The following TRHR variants were observed in gnomAD, a reference collection of about 807,000 sequenced individuals.
TRHR encodes the protein thyrotropin releasing hormone receptor, also known as thyrotropin-releasing hormone receptor.
A neutral mutation model predicts 28.0 loss-of-function variants in TRHR; 14 were observed. The ratio of observed to expected loss-of-function variants is 0.50; its 90% CI spans 0.33 to 0.78. The LOEUF is 0.78. Ranked by LOEUF, TRHR falls within the 30% of genes least tolerant of loss-of-function variation. TRHR has a pLI of 0.02. For synonymous variants in TRHR, 176 were observed against 171.9 expected (o/e 1.02, Z -0.18); for missense variants, 438 against 469.5 (o/e 0.93, Z 0.62).
chr8:109,104,156 T>A (rs576105817), intron 2 of TRHR, among the ~76,000 whole-genome samples: 1 of 152,194 alleles, frequency 6.6e-6, no homozygotes, highest in East Asian at 1.9e-4. Flanking sequence ...CAGTGGAAAA[T>A]TATTACAGTC....
intron 2 of TRHR, among the ~76,000 whole-genome samples, chr8:109,110,449 T>C (rs3925087): frequency 0.4 from 60,486 of 151,816 alleles, 12,305 homozygotes; most frequent in Admixed American, 0.5. Flanking sequence ...TCTATTTCCT[T>C]AAGCCTTATC....
intron 2 of TRHR, among the ~76,000 whole-genome samples, chr8:109,115,692 T>G (rs1430022242): frequency 3.9e-5 from 6 of 152,196 alleles, no homozygotes; most frequent in Non-Finnish European, 8.8e-5. Flanking sequence ...CTTATCAGCT[T>G]CAGGAGATTT....
chr8:109,102,155 C>T (rs1324443936), intron 2 of TRHR, among the ~76,000 whole-genome samples: 1 of 152,128 alleles, frequency 6.6e-6, no homozygotes, highest in Non-Finnish European at 1.5e-5. Flanking sequence ...TAAGAATATA[C>T]TGCTGTCTTT....
intron 2 of TRHR, among the ~76,000 whole-genome samples, chr8:109,118,188 C>T (rs1811947530): frequency 6.6e-6 from 1 of 151,960 alleles, no homozygotes; most frequent in Non-Finnish European, 1.5e-5. Context: ...AAGTACTTAA[C>T]AGCCTCTGTA....
chr8:109,112,479 T>C (rs1186989772), intron 2 of TRHR, among the ~76,000 whole-genome samples: 1 of 152,220 alleles, frequency 6.6e-6, no homozygotes, highest in Non-Finnish European at 1.5e-5. Flanking sequence ...AGTTTTCATT[T>C]TTAAAATTTG....
intron 2 of TRHR, among the ~76,000 whole-genome samples, chr8:109,115,504 T>A (rs1414882224): frequency 1.3e-5 from 2 of 152,164 alleles, no homozygotes; most frequent in Non-Finnish European, 2.9e-5. Flanking sequence ...GGTTTGTAGT[T>A]CTCCTTGAAG....
At chr8:109,091,258 T>C (rs1811513880) in intron 2 of TRHR, among the ~76,000 whole-genome samples, 1 of 152,102 alleles carries the variant, frequency 6.6e-6, no homozygotes, top group African/African-American at 2.4e-5. Context: ...GATGTGAACA[T>C]ATTAGACATA....
At position 109,115,489 on chromosome 8, in the gene TRHR, G is replaced by A. The variant is rs557289805; in HGVS notation, c.790-3559G>A. Among the ~76,000 whole-genome samples the A allele has an allele frequency of 3.1e-3, 475 of 152,230 alleles. 3 individuals are homozygous for A. Among genetic ancestry groups the A allele is most frequent in the African/African-American group, 0.011 (440 of 41,548 alleles). On this transcript the variant is annotated intron_variant, in intron 2 of 2. Transcript: ENST00000518632. ...TTTGTATCCTCTTTTATTTCATTGA[G>A]CAGTGGTTTGTAGTTCTCCTTGAAG...
intron 2 of TRHR, among the ~76,000 whole-genome samples, chr8:109,117,064 A>C (rs560828809): frequency 1.3e-5 from 2 of 152,150 alleles, no homozygotes; most frequent in East Asian, 3.9e-4. Flanking sequence ...TTTACCTGAC[A>C]GTTGTAGGGA....
intron 2 of TRHR, among the ~76,000 whole-genome samples, chr8:109,095,811 G>A (rs577295287): frequency 2.0e-5 from 3 of 152,094 alleles, no homozygotes; most frequent in South Asian, 4.2e-4. Flanking sequence ...CCTTCTAAGT[G>A]CCTTTTTCTC....
intron 2 of TRHR, among the ~76,000 whole-genome samples, chr8:109,101,152 A>G (rs1162807465): frequency 6.6e-6 from 1 of 152,192 alleles, no homozygotes; most frequent in Non-Finnish European, 1.5e-5. Context: ...ATTGGACCAA[A>G]GTCAAAGCCA....
chr8:109,108,140 G>A (rs1378557286), intron 2 of TRHR, among the ~76,000 whole-genome samples: 1 of 152,090 alleles, frequency 6.6e-6, no homozygotes, highest in East Asian at 1.9e-4. Flanking sequence ...TGCCTCCCAG[G>A]TGCTCCCAGC....
chr8:109,120,599 TAC>T lies in TRHR; in HGVS notation c.*1146_*1147del, dbSNP rs1400637270. ...TCTCAAATGCTAGTGATATTTTGTTTACAGATTCTAAAAGCAATGCAAAATTC... is the reference window on the plus strand; with the variant it reads ...TCTCAAATGCTAGTGATATTTTGTTTAGATTCTAAAAGCAATGCAAAATTC... On this transcript the variant is annotated 3_prime_UTR_variant, in exon 3 of 3. Coordinates refer to ENST00000518632, the MANE Select transcript of TRHR (RefSeq NM_003301.7). 1.3e-5 allele frequency among the ~76,000 whole-genome samples: 2 copies of T among 151,866 alleles called. No individual in the cohort carries two copies. Among genetic ancestry groups the T allele is most frequent in the African/African-American group, 4.8e-5 (2 of 41,418 alleles).
chr8:109,099,014 C>A (rs1811637897), intron 2 of TRHR, among the ~76,000 whole-genome samples: 1 of 152,040 alleles, frequency 6.6e-6, no homozygotes, highest in East Asian at 1.9e-4. Flanking sequence ...TAGGGACATA[C>A]TGATAAATTA....
intron 2 of TRHR, among the ~76,000 whole-genome samples, chr8:109,112,790 G>A (rs1320591007): frequency 6.6e-6 from 1 of 152,174 alleles, no homozygotes; most frequent in Admixed American, 6.6e-5. Flanking sequence ...GAAAACCTTG[G>A]TTGGGTAGCT....
rs773072164 is a variant in TRHR at position 109,119,363 on chromosome 8, G to A, written c.1105G>A (p.Asp369Asn). ...AGACCATTTCAGCACAGAGCTTGAT[G>A]ATATCACTGTCACTGACACTTACCT... ...ESDHFSTELD[D>N]ITVTDTYLSA... is the part of the protein sequence containing the mutation. Residue 369 changes from aspartate (D) to asparagine (N), a missense_variant, in exon 3 of 3, where the codon GAT becomes AAT. Transcript: ENST00000518632. The A allele has an allele frequency of 6.8e-6, 11 of 1,612,370 alleles. No individual in the cohort carries two copies. The highest frequency in any genetic ancestry group is 9.3e-6 in the Non-Finnish European group (11 of 1,179,034).
chr8:109,111,123 G>T (rs1358799407), intron 2 of TRHR, among the ~76,000 whole-genome samples: 1 of 152,126 alleles, frequency 6.6e-6, no homozygotes, highest in African/African-American at 2.4e-5. Context: ...CTGCACTCCA[G>T]CCTGGGCGAC....
intron 2 of TRHR, among the ~76,000 whole-genome samples, chr8:109,102,766 T>TA (rs1254387554): frequency 2.0e-5 from 3 of 152,108 alleles, no homozygotes; most frequent in African/African-American, 7.2e-5. Flanking sequence ...TTCATTTTTT[T>TA]AAAAATAAAT....
intron 2 of TRHR, among the ~76,000 whole-genome samples, chr8:109,089,501 A>G (rs1478903511): frequency 6.6e-6 from 1 of 152,196 alleles, no homozygotes; most frequent in Non-Finnish European, 1.5e-5. Context: ...GCATGAAATG[A>G]ATAATGAGCC....
Sources: gnomAD v4.1 joint callset for allele counts (sites outside exome capture counted in the v4.1 genomes callset) on GRCh38, gnomAD v4.1.1 for gene constraint, MANE v1.5 for transcripts, NCBI Gene and HGNC (gene_info 2026-07-23, HGNC 2026-07-21) for gene names.